The following DOCK3 variants were observed in gnomAD, a reference collection of about 807,000 sequenced individuals.
DOCK3 encodes dedicator of cytokinesis protein 3.
DOCK3 carries 60 observed loss-of-function variants against 265.6 expected under a neutral mutation model. The observed-to-expected ratio is 0.23, with a 90% CI of 0.18 to 0.28. The LOEUF (loss-of-function observed/expected upper bound fraction) is 0.28, where lower values mean the gene tolerates loss of function less well. Among genes scored for constraint, DOCK3 ranks in the 10% least tolerant of loss-of-function variants. The pLI is 1.00. For missense variants in DOCK3, 1,981 were observed against 2,594.3 expected (o/e 0.76, Z 5.14); for synonymous variants, 881 against 938.0 (o/e 0.94, Z 1.11).
At chr3:50,719,773 G>T in intron 1 of DOCK3, 1 of 954,798 alleles carries the variant, frequency 1.0e-6, no homozygotes, top group South Asian at 1.3e-5. Context: ...CCATTATGGT[G>T]TGTGAAGTCA....
chr3:51,017,115 T>C (rs1208932060), intron 5 of DOCK3, among the ~76,000 whole-genome samples: 1 of 149,682 alleles, frequency 6.7e-6, no homozygotes, highest in Non-Finnish European at 1.5e-5. Flanking sequence ...GTAGGTTGTA[T>C]GTGTCTAGGA....
At chr3:50,864,935 C>G (rs973127756) in intron 3 of DOCK3, among the ~76,000 whole-genome samples, 1 of 151,288 alleles carries the variant, frequency 6.6e-6, no homozygotes, top group African/African-American at 2.4e-5. Context: ...TTTTGTGGTT[C>G]CACATACATT....
chr3:51,069,203 T>A (rs1372438341), intron 6 of DOCK3, among the ~76,000 whole-genome samples: 2 of 152,304 alleles, frequency 1.3e-5, no homozygotes, highest in East Asian at 3.9e-4. Context: ...GGAACTGCAA[T>A]ACAAGAAGGG....
chr3:51,031,552 T>C (rs2080047434), intron 5 of DOCK3, among the ~76,000 whole-genome samples: 1 of 152,206 alleles, frequency 6.6e-6, no homozygotes, highest in South Asian at 2.1e-4. Flanking sequence ...GCAACCCTAA[T>C]TGTTGTTACT....
intron 12 of DOCK3, among the ~76,000 whole-genome samples, chr3:51,199,423 G>T (rs191546948): frequency 6.6e-6 from 1 of 152,320 alleles, no homozygotes; most frequent in Non-Finnish European, 1.5e-5. Context: ...CACCCACGGA[G>T]TCTCGCTGAT....
chr3:51,181,616 A>G (rs1181428441), intron 12 of DOCK3, among the ~76,000 whole-genome samples: 6 of 152,190 alleles, frequency 3.9e-5, no homozygotes, highest in Non-Finnish European at 7.3e-5. Context: ...TTAATAACAT[A>G]TAAACAGTAT....
intron 12 of DOCK3, among the ~76,000 whole-genome samples, chr3:51,165,930 G>T (rs2086381704): frequency 6.7e-6 from 1 of 150,294 alleles, no homozygotes; most frequent in African/African-American, 2.4e-5. Context: ...ATTGACAGAT[G>T]AATAATAAAG....
At position 51,227,264 on chromosome 3, in the gene DOCK3, T is replaced by C. The variant is rs1399239855; in HGVS notation, c.1378-19T>C. 8.7e-6 allele frequency: 14 copies of C among 1,611,008 alleles called. No homozygotes were observed. In the South Asian group the frequency reaches 1.3e-4, roughly 15 times the overall value. The stretch of plus-strand genomic sequence containing the variant: ...TTCCTACCAGGAAGATGACATCTTA[T>C]TTTGTTTCTTTCTTCCAGGATTGCA... On this transcript the variant is annotated intron_variant, in intron 15 of 52. Transcript: ENST00000266037.
intron 9 of DOCK3, among the ~76,000 whole-genome samples, chr3:51,134,732 G>T (rs1159685607): frequency 2.6e-5 from 4 of 152,092 alleles, no homozygotes; most frequent in Non-Finnish European, 5.9e-5. Context: ...CATTTCCCAG[G>T]TATATTTTCC....
chr3:51,289,291 G>T (rs941856019), intron 27 of DOCK3, among the ~76,000 whole-genome samples: 1 of 152,086 alleles, frequency 6.6e-6, no homozygotes, highest in Non-Finnish European at 1.5e-5. Flanking sequence ...AAGGTGGAGG[G>T]TAGGAGGAGG....
At chr3:51,182,371 G>A (rs2087350080) in intron 12 of DOCK3, among the ~76,000 whole-genome samples, 1 of 152,130 alleles carries the variant, frequency 6.6e-6, no homozygotes, top group African/African-American at 2.4e-5. Context: ...CTATTAGGTT[G>A]GTGCAAAAGT....
At chr3:50,766,131 T>C (rs981492783) in intron 1 of DOCK3, among the ~76,000 whole-genome samples, 4 of 152,172 alleles carry the variant, frequency 2.6e-5, no homozygotes, top group Admixed American at 2.6e-4. Flanking sequence ...AGTATTCTTT[T>C]TTTAAATATG....
At chr3:50,935,846 G>T (rs2051330365) in intron 5 of DOCK3, among the ~76,000 whole-genome samples, 1 of 152,196 alleles carries the variant, frequency 6.6e-6, no homozygotes, top group African/African-American at 2.4e-5. Context: ...TTTTAAGCAG[G>T]TTGACTACTT....
chr3:50,976,059 GTCTA>G (rs1156611451), intron 5 of DOCK3, among the ~76,000 whole-genome samples: 4 of 151,570 alleles, frequency 2.6e-5, no homozygotes, highest in Non-Finnish European at 4.4e-5. Flanking sequence ...CTTGCTAGTG[GTCTA>G]TCTTTTTTGT....
intron 7 of DOCK3, among the ~76,000 whole-genome samples, chr3:51,082,489 A>G (rs564027769): frequency 1.3e-5 from 2 of 152,310 alleles, no homozygotes; most frequent in East Asian, 1.9e-4. Flanking sequence ...AAAGAAAGCT[A>G]AAACTTGTGC....
chr3:51,062,850 C>T (rs1003391516), intron 5 of DOCK3, among the ~76,000 whole-genome samples: 2 of 152,226 alleles, frequency 1.3e-5, no homozygotes, highest in East Asian at 1.9e-4. Flanking sequence ...ACAAATATCA[C>T]ATTGCCTTTA....
At chr3:51,358,124 A>T (rs759040112) in intron 46 of DOCK3, 47 bp downstream of exon 46, 11 of 1,587,624 alleles carry the variant, frequency 6.9e-6, no homozygotes, top group Admixed American at 1.7e-5. Context: ...ACCAGGTGTC[A>T]CTTCCTCCAG....
Position 51,007,298 on chromosome 3 carries a change from T to G in DOCK3, c.316-57150T>G, listed in dbSNP as rs1270890289. 4.6e-5 allele frequency among the ~76,000 whole-genome samples: 7 copies of G among 152,244 alleles called. No individual in the cohort carries two copies. The East Asian group carries it at 1.3e-3, about 29-fold the overall frequency. On this transcript the variant is annotated intron_variant, in intron 5 of 52. Transcript: ENST00000266037. ...TCTCCAGCACCTGTTGTTTCCTGAC[T>G]TTTTAATGATCGCCATTTTAACTGG...
intron 12 of DOCK3, among the ~76,000 whole-genome samples, chr3:51,190,628 G>A (rs912967455): frequency 1.1e-4 from 17 of 152,212 alleles, no homozygotes; most frequent in African/African-American, 3.9e-4. Flanking sequence ...TCCCAGCTAG[G>A]AGATGGCACT....
Sources: gnomAD v4.1 joint callset for allele counts (sites outside exome capture counted in the v4.1 genomes callset) on GRCh38, gnomAD v4.1.1 for gene constraint, MANE v1.5 for transcripts, NCBI Gene and HGNC (gene_info 2026-07-23, HGNC 2026-07-21) for gene names.